PRDM16: variants seen among roughly 807,000 people sequenced by gnomAD.
PRDM16 encodes histone-lysine N-methyltransferase PRDM16.
In PRDM16, 23 loss-of-function variants were observed where a neutral mutation model predicts 110.6. That is an observed-to-expected ratio of 0.21 (90% CI 0.15 to 0.29). The LOEUF (loss-of-function observed/expected upper bound fraction) is 0.29, where lower values mean the gene tolerates loss of function less well. Among genes scored for constraint, PRDM16 ranks in the 10% least tolerant of loss-of-function variants. The probability of loss-of-function intolerance (pLI) is 1.00; values close to 1 mark genes in which losing one functional copy is unlikely to be tolerated. For missense variants in PRDM16, 1,615 were observed against 1,794.3 expected, an observed-to-expected ratio of 0.90 and a Z score of 1.81; for synonymous variants, 799 against 781.8, an observed-to-expected ratio of 1.02 and a Z score of -0.37.
At chr1:3,289,328 G>A (rs1257147038) in intron 3 of PRDM16, among the ~76,000 whole-genome samples, 1 of 152,238 alleles carries the variant, frequency 6.6e-6, no homozygotes, top group Non-Finnish European at 1.5e-5. Context: ...ATCTGCAGGT[G>A]GGCAAGCTCT....
intron 3 of PRDM16, among the ~76,000 whole-genome samples, chr1:3,338,825 G>T (rs562772639): frequency 6.6e-6 from 1 of 152,224 alleles, no homozygotes; most frequent in South Asian, 2.1e-4. Context: ...ACATGCCACC[G>T]TCCTGTTTTC....
intron 3 of PRDM16, among the ~76,000 whole-genome samples, chr1:3,349,346 G>C (rs1642431682): frequency 6.6e-6 from 1 of 152,184 alleles, no homozygotes; most frequent in Admixed American, 6.5e-5. Context: ...TTGGAAAGGT[G>C]CTGACGTGGC....
chr1:3,093,826 G>A (rs756845032), intron 1 of PRDM16, among the ~76,000 whole-genome samples: 11 of 152,208 alleles, frequency 7.2e-5, no homozygotes, highest in Admixed American at 2.6e-4. Context: ...GCTCCGAAGC[G>A]CAGGGAAGGA....
At chr1:3,083,596 A>T (rs1489811273) in intron 1 of PRDM16, among the ~76,000 whole-genome samples, 1 of 25,112 alleles carries the variant, frequency 4.0e-5, no homozygotes, top group African/African-American at 9.5e-5. Context: ...GCCTGCTGTC[A>T]GGGGAGGCGG....
At chr1:3,426,861 A>T (rs745897385) in intron 14 of PRDM16, among the ~76,000 whole-genome samples, 1 of 152,178 alleles carries the variant, frequency 6.6e-6, no homozygotes. Flanking sequence ...TGGTCTGGGC[A>T]TGGGCAGTCC....
intron 3 of PRDM16, among the ~76,000 whole-genome samples, chr1:3,383,814 CAGACACACCTGCTCAA>C (rs1643148040): frequency 6.7e-6 from 1 of 149,056 alleles, no homozygotes; most frequent in African/African-American, 2.4e-5. Flanking sequence ...CCTGCCCGCC[CAGACACACCTGCTCAA>C]AGACACACCT....
chr1:3,406,966 G>C (rs572484831), intron 8 of PRDM16, among the ~76,000 whole-genome samples: 59 of 152,340 alleles, frequency 3.9e-4, no homozygotes, highest in African/African-American at 1.4e-3. Context: ...GTTGTCATAG[G>C]AGGAAAGGGA....
At position 3,332,314 on chromosome 1, in the gene PRDM16, A is replaced by G. The variant is rs554807940; in HGVS notation, c.439-52838A>G. 2.4e-4 allele frequency among the ~76,000 whole-genome samples: 36 copies of G among 151,510 alleles called. No homozygotes were observed. In the South Asian group the frequency reaches 6.1e-3, roughly 26 times the overall value. ...TCTTAATTGTTTCTCATACGTTTCAATTAGGCAGCCCTGTTGTTACAGCGG... is the reference window on the plus strand; with the variant it reads ...TCTTAATTGTTTCTCATACGTTTCAGTTAGGCAGCCCTGTTGTTACAGCGG... On this transcript the variant is annotated intron_variant, in intron 3 of 16. Transcript: ENST00000270722.
intron 3 of PRDM16, among the ~76,000 whole-genome samples, chr1:3,316,732 G>C (rs201982122): frequency 7.1e-6 from 1 of 140,156 alleles, no homozygotes; most frequent in Non-Finnish European, 1.5e-5. Context: ...ACAGTGACAC[G>C]GTGTAGGCAG....
intron 2 of PRDM16, among the ~76,000 whole-genome samples, chr1:3,192,230 C>G (rs915212280): frequency 2.0e-5 from 3 of 152,206 alleles, no homozygotes; most frequent in Non-Finnish European, 4.4e-5. Context: ...GGATGGGGAT[C>G]ATCCGTGTCG....
At chr1:3,293,216 C>G (rs1052234672) in intron 3 of PRDM16, among the ~76,000 whole-genome samples, 1 of 152,210 alleles carries the variant, frequency 6.6e-6, no homozygotes, top group African/African-American at 2.4e-5. Context: ...TGTAGAGGAT[C>G]CTAAGTCGGG....
chr1:3,101,750 T>G (rs778240894), intron 1 of PRDM16, among the ~76,000 whole-genome samples: 2 of 152,162 alleles, frequency 1.3e-5, no homozygotes, highest in Non-Finnish European at 2.9e-5. Context: ...CAGGGCAGCT[T>G]GAGGCTGAGA....
rs1875451 is a variant in PRDM16 at position 3,190,716 on chromosome 1, C to T, written c.387+4242C>T. On this transcript the variant is annotated intron_variant, in intron 2 of 16. Coordinates refer to ENST00000270722, the MANE Select transcript of PRDM16 (RefSeq NM_022114.4). The surrounding 1 kb of genome is among the most constrained non-coding windows in gnomAD (Gnocchi z 5.0). The stretch of plus-strand genomic sequence containing the variant: ...TCTCTTCCCAAATACCACGCCCCGC[C>T]GGTCGCCGCCGAAGCCCACCTGCCT... Among the ~76,000 whole-genome samples, 132,776 of 152,154 alleles carry T rather than the reference C, an allele frequency of 0.87. 58,325 individuals carry two copies. Among genetic ancestry groups the T allele is most frequent in the Non-Finnish European group, 0.92 (62,628 of 67,996 alleles).
intron 3 of PRDM16, among the ~76,000 whole-genome samples, chr1:3,311,465 C>G (rs898861717): frequency 4.6e-5 from 7 of 152,212 alleles, no homozygotes; most frequent in Non-Finnish European, 2.9e-5. Flanking sequence ...CCATGAAGCC[C>G]AGACCCAGCA....
At chr1:3,097,131 C>T (rs1642422014) in intron 1 of PRDM16, among the ~76,000 whole-genome samples, 1 of 152,152 alleles carries the variant, frequency 6.6e-6, no homozygotes. Context: ...CGAGAAGTTG[C>T]CCTCGTAGCC....
rs1040363573 is a variant in PRDM16, at chr1:3,190,970, G to A, written c.387+4496G>A. On this transcript the variant is annotated intron_variant, in intron 2 of 16. Transcript: ENST00000270722. This position sits in a 1 kb window ranked among gnomAD's most constrained non-coding sequence, Gnocchi z 5.0. ...GTGTGTCCAGGGTCCTGCAGCTTGG[G>A]GCCTGCTGGGGCGGGATCCCGCAGG... is the stretch of plus-strand genomic sequence containing the variant. Among the ~76,000 whole-genome samples the A allele has an allele frequency of 2.6e-5, 4 of 152,134 alleles. No individual in the cohort carries two copies. Among genetic ancestry groups the A allele is most frequent in the Non-Finnish European group, 5.9e-5 (4 of 68,026 alleles).
rs943356972 is a variant in PRDM16, at chr1:3,209,529, C to T, written c.387+23055C>T. 2.0e-5 allele frequency among the ~76,000 whole-genome samples: 3 copies of T among 152,170 alleles called. No individual in the cohort carries two copies. Among genetic ancestry groups the T allele is most frequent in the South Asian group, 2.1e-4 (1 of 4,824 alleles). ...TGTGGAATAGGCCTCGCTGGGAGGCCGTGGTTCTGCTCCTGCACATTTCCA... is the reference window on the plus strand; with the variant it reads ...TGTGGAATAGGCCTCGCTGGGAGGCTGTGGTTCTGCTCCTGCACATTTCCA... On this transcript the variant is annotated intron_variant, in intron 2 of 16. Transcript: ENST00000270722. The surrounding 1 kb of genome is among the most constrained non-coding windows in gnomAD (Gnocchi z 4.6).
At chr1:3,329,622 C>A (rs1251624927) in intron 3 of PRDM16, among the ~76,000 whole-genome samples, 1 of 152,258 alleles carries the variant, frequency 6.6e-6, no homozygotes, top group Non-Finnish European at 1.5e-5. Flanking sequence ...GAGCTGGCCC[C>A]ACAGGTGCCA....
chr1:3,101,765 A>G (rs1359964012), intron 1 of PRDM16, among the ~76,000 whole-genome samples: 9 of 152,200 alleles, frequency 5.9e-5, no homozygotes, highest in Non-Finnish European at 1.3e-4. Flanking sequence ...CTGAGAAGGA[A>G]TGCCGGCCCA....
Sources: gnomAD v4.1 joint callset for allele counts (sites outside exome capture counted in the v4.1 genomes callset) on GRCh38, gnomAD v4.1.1 for gene constraint, Gnocchi (gnomAD v3.1) non-coding constraint, MANE v1.5 for transcripts, NCBI Gene and HGNC (gene_info 2026-07-23, HGNC 2026-07-21) for gene names.